TRADD: variants seen among roughly 807,000 people sequenced by gnomAD.
TRADD encodes TNFRSF1A associated via death domain.
A neutral mutation model predicts 31.5 loss-of-function variants in TRADD; 14 were observed. The observed-to-expected ratio is 0.44, with a 90% CI of 0.29 to 0.69. The LOEUF (loss-of-function observed/expected upper bound fraction) is 0.69. Ranked by LOEUF, TRADD falls within the 30% of genes least tolerant of loss-of-function variation. The probability of loss-of-function intolerance (pLI) is 0.11; values close to 1 mark genes in which losing one functional copy is unlikely to be tolerated. For missense variants in TRADD, 388 were observed against 435.7 expected, an observed-to-expected ratio of 0.89 and a Z score of 0.97; for synonymous variants, 220 against 215.8, an observed-to-expected ratio of 1.02 and a Z score of -0.17.
chr16:67,155,530 C>T lies in TRADD; in HGVS notation c.276G>A (p.Glu92=). Residue 92 remains glutamate, a synonymous_variant, in exon 3 of 5, where the codon GAG becomes GAA. Transcript: ENST00000345057. Reference sequence around the variant, plus strand: ...TCTGCAGCGCGGCGCGCAGCGCCCCCTCGCGGTAGGCGCGGAGGAAGCGGC... The same window carrying T: ...TCTGCAGCGCGGCGCGCAGCGCCCCTTCGCGGTAGGCGCGGAGGAAGCGGC... ...PCGRFLRAYR[E]GALRAALQRS... The T allele has an allele frequency of 6.6e-7, 1 of 1,521,984 alleles. No homozygotes were observed. The highest frequency in any genetic ancestry group is 8.7e-7 in the Non-Finnish European group (1 of 1,142,978). The allele number at this position is 1,521,984 out of a possible 1,614,324, so 94.3% of individuals were successfully genotyped here.
At position 67,156,768 on chromosome 16, in the gene TRADD, G is replaced by A. The variant is rs1160524857; in HGVS notation, c.-8-100C>T. Reference sequence around the variant, plus strand: ...TGGTTCAGCTGTCCCCACCACAGTAGCCTCAAGTCCCACATGGTTCAGTTG... The same window carrying A: ...TGGTTCAGCTGTCCCCACCACAGTAACCTCAAGTCCCACATGGTTCAGTTG... On this transcript the variant is annotated intron_variant, in intron 1 of 4. Coordinates refer to ENST00000345057, the MANE Select transcript of TRADD (RefSeq NM_003789.4). The surrounding 1 kb of genome is among the most constrained non-coding windows in gnomAD (Gnocchi z 4.6). 6.7e-7 allele frequency: 1 copy of A among 1,487,460 alleles called. No individual in the cohort carries two copies. The highest frequency in any genetic ancestry group is 2.3e-5 in the East Asian group (1 of 44,346). 92.1% of individuals were successfully genotyped at this position (1,487,460 alleles called of 1,614,324 possible).
intron 1 of TRADD, among the ~76,000 whole-genome samples, chr16:67,157,992 C>G (rs2030760584): frequency 1.4e-5 from 2 of 143,296 alleles, no homozygotes; most frequent in Admixed American, 1.3e-4. Flanking sequence ...GTACTCTCAT[C>G]AGGGTTTATA....
intron 2 of TRADD, chr16:67,155,862 C>A: frequency 4.0e-6 from 6 of 1,515,136 alleles, no homozygotes; most frequent in Non-Finnish European, 5.3e-6. Context: ...ACAGGGAGCA[C>A]CCTAAGACAG....
In TRADD at chr16:67,154,760, C is replaced by T. The variant is rs765520389; in HGVS notation, c.828G>A (p.Glu276=). 6.2e-7 allele frequency: 1 copy of T among 1,607,052 alleles called. No homozygotes were observed. The highest frequency in any genetic ancestry group is 8.5e-7 in the Non-Finnish European group (1 of 1,177,440). ...GGCGCTGCAGCGTGGCGCGGCGGCCCTCGGCCTGCACGAAGCGCCGCAGCA... is the reference window on the plus strand; with the variant it reads ...GGCGCTGCAGCGTGGCGCGGCGGCCTTCGGCCTGCACGAAGCGCCGCAGCA... ...FQLLRRFVQA[E]GRRATLQRLV... is the part of the protein sequence containing the mutation. Residue 276 remains glutamate (E), a synonymous_variant, in exon 5 of 5, where the codon GAG becomes GAA. Transcript: ENST00000345057. This position sits in a 1 kb window ranked among gnomAD's most constrained non-coding sequence, Gnocchi z 5.2.
In TRADD at chr16:67,155,144, G is replaced by A. The variant is rs540750770; in HGVS notation, c.580C>T (p.Pro194Ser). ...AAAGTCTGGGCAGGTGGCGGCGGCGGCGGCGGCTTCACCTCCGACAGAGAG... is the reference window on the plus strand; with the variant it reads ...AAAGTCTGGGCAGGTGGCGGCGGCGACGGCGGCTTCACCTCCGACAGAGAG... ...VPSLSEVKPPPPPPPAQTFLF... is the reference protein window; with the variant it reads ...VPSLSEVKPPSPPPPAQTFLF... The change falls in exon 4 of 5, where the codon CCG becomes TCG. Residue 194 changes from proline to serine, a missense_variant. By Grantham distance (74) the Pro-to-Ser change is moderately conservative. Coordinates refer to ENST00000345057, the MANE Select transcript of TRADD (RefSeq NM_003789.4). The A allele has an allele frequency of 3.2e-6, 5 of 1,547,842 alleles. No individual in the cohort carries two copies. Among genetic ancestry groups the A allele is most frequent in the Admixed American group, 1.9e-5 (1 of 51,878 alleles).
intron 1 of TRADD, among the ~76,000 whole-genome samples, chr16:67,158,314 C>A (rs1012842745): frequency 6.6e-6 from 1 of 152,210 alleles, no homozygotes; most frequent in Admixed American, 6.5e-5. Flanking sequence ...TTTAGGCACA[C>A]GCCGCCATGC....
chr16:67,155,064 C>T (rs1391869520), intron 4 of TRADD, 32 bp downstream of exon 4: 1 of 1,544,984 alleles, frequency 6.5e-7, no homozygotes, highest in African/African-American at 1.4e-5. Flanking sequence ...CTCCAACCTC[C>T]TGGTGACCCC....
rs750832036 is a variant in TRADD, at chr16:67,155,491, G to C, written c.315C>G (p.Ala105=). ...GCGGCACCGAGTGCTGGGCGAGCGC[G>C]GCCGCCAGGCTCCTCTGCAGCGCGG... The part of the protein sequence containing the change: ...LRAALQRSLA[A]ALAQHSVPLQ... The change falls in exon 3 of 5, where the codon GCC becomes GCG. Residue 105 remains alanine (A), a synonymous_variant. Transcript: ENST00000345057. The C allele has an allele frequency of 2.4e-5, 38 of 1,558,582 alleles. No individual in the cohort carries two copies. Among genetic ancestry groups the C allele is most frequent in the African/African-American group, 1.4e-5 (1 of 74,068 alleles).
rs1003438615 is a variant in TRADD, at chr16:67,155,471, A to G, written c.335T>C (p.Val112Ala). 6.3e-7 allele frequency: 1 copy of G among 1,587,594 alleles called. No homozygotes were observed. Among genetic ancestry groups the G allele is most frequent in the Non-Finnish European group, 8.5e-7 (1 of 1,175,116 alleles). ...SLAAALAQHS[V>A]PLQLELRAGA... ...GGCGCGCAGCTCCAGTTGCAGCGGC[A>G]CCGAGTGCTGGGCGAGCGCGGCCGC... The change falls in exon 3 of 5, where the codon GTG (valine) becomes GCG (alanine). Residue 112 changes from valine to alanine, a missense_variant. Transcript: ENST00000345057.
Position 67,156,758 on chromosome 16 carries a change from C to T in TRADD, c.-8-90G>A. 6.5e-7 allele frequency: 1 copy of T among 1,548,022 alleles called. No individual in the cohort carries two copies. The highest frequency in any genetic ancestry group is 1.1e-5 in the South Asian group (1 of 89,848). ...CAGCCCCACGTGGTTCAGCTGTCCC[C>T]ACCACAGTAGCCTCAAGTCCCACAT... is the stretch of plus-strand genomic sequence containing the variant. On this transcript the variant is annotated intron_variant, in intron 1 of 4. Transcript: ENST00000345057. This position sits in a 1 kb window ranked among gnomAD's most constrained non-coding sequence, Gnocchi z 4.6.
chr16:67,156,273 G>A lies in TRADD; in HGVS notation c.151+237C>T, dbSNP rs1487041937. 2.3e-5 allele frequency: 28 copies of A among 1,235,564 alleles called. No individual in the cohort carries two copies. The highest frequency in any genetic ancestry group is 3.0e-5 in the Non-Finnish European group (27 of 894,854). The allele number at this position is 1,235,564 out of a possible 1,614,324, so 76.5% of individuals were successfully genotyped here. On this transcript the variant is annotated intron_variant, in intron 2 of 4. Coordinates refer to ENST00000345057, the MANE Select transcript of TRADD (RefSeq NM_003789.4). This position sits in a 1 kb window ranked among gnomAD's most constrained non-coding sequence, Gnocchi z 4.6. Reference sequence around the variant, plus strand: ...AGGAGTGAGCCGGCTGGTGGAGGGGGGCGGGGATGGAGCAAAGGACGTTAG... The same window carrying A: ...AGGAGTGAGCCGGCTGGTGGAGGGGAGCGGGGATGGAGCAAAGGACGTTAG...
Position 67,156,315 on chromosome 16 carries a change from T to C in TRADD, c.151+195A>G. On this transcript the variant is annotated intron_variant, in intron 2 of 4. Transcript: ENST00000345057. This position sits in a 1 kb window ranked among gnomAD's most constrained non-coding sequence, Gnocchi z 4.6. ...GGACGTTAGTGCACAAATTGGTAAA[T>C]CATACACAGACTCGAGAACACACGC... The C allele has an allele frequency of 8.7e-7, 1 of 1,149,748 alleles. No individual in the cohort carries two copies. The highest frequency in any genetic ancestry group is 1.2e-6 in the Non-Finnish European group (1 of 814,814). The allele number at this position is 1,149,748 out of a possible 1,614,324, so 71.2% of individuals were successfully genotyped here.
At position 67,154,813 on chromosome 16, in the gene TRADD, C is replaced by T; in HGVS notation, c.775G>A (p.Glu259Lys). 6.3e-7 allele frequency: 1 copy of T among 1,593,052 alleles called. No homozygotes were observed. Among genetic ancestry groups the T allele is most frequent in the Non-Finnish European group, 8.5e-7 (1 of 1,170,940 alleles). Residue 259 changes from glutamate to lysine, a missense_variant, in exon 5 of 5, where the codon GAG (glutamate) becomes AAG (lysine). Physicochemically the swap from Glu to Lys is moderately conservative, Grantham distance 56. Transcript: ENST00000345057. The surrounding 1 kb of genome is among the most constrained non-coding windows in gnomAD (Gnocchi z 5.2). ...TGGAAGGCCTGCTCGTACAGTCCCT[C>T]GCGCTCGTACTCGTAGGCCAGCGAG... ...LDSLAYEYER[E>K]GLYEQAFQLL... is the part of the protein sequence containing the mutation.
At position 67,155,409 on chromosome 16, in the gene TRADD, C is replaced by T. The variant is rs764954397; in HGVS notation, c.397G>A (p.Glu133Lys). The T allele has an allele frequency of 6.3e-7, 1 of 1,598,288 alleles. No homozygotes were observed. The highest frequency in any genetic ancestry group is 8.5e-7 in the Non-Finnish European group (1 of 1,179,580). ...ERLDALLADE[E>K]RCLSCILAQQ... Reference sequence around the variant, plus strand: ...GCTAGGATGCAACTCAAACAGCGCTCCTCGTCCGCCAGCAAAGCGTCCAGC... The same window carrying T: ...GCTAGGATGCAACTCAAACAGCGCTTCTCGTCCGCCAGCAAAGCGTCCAGC... The change falls in exon 3 of 5, where the codon GAG becomes AAG. Residue 133 changes from glutamate (E) to lysine (K), a missense_variant. Physicochemically the swap from Glu to Lys is moderately conservative, Grantham distance 56 (BLOSUM62 1). Coordinates refer to ENST00000345057, the MANE Select transcript of TRADD (RefSeq NM_003789.4).
At chr16:67,158,153 C>G (rs577233335) in intron 1 of TRADD, among the ~76,000 whole-genome samples, 2 of 151,972 alleles carry the variant, frequency 1.3e-5, no homozygotes, top group African/African-American at 2.4e-5. Context: ...GCACTACTCT[C>G]GACCTTTGTT....
At position 67,154,745 on chromosome 16, in the gene TRADD, C is replaced by T. The variant is rs760200469; in HGVS notation, c.843G>A (p.Thr281=). 66 of 1,609,478 alleles carry T rather than the reference C, an allele frequency of 4.1e-5. No individual in the cohort carries two copies. The highest frequency in any genetic ancestry group is 4.5e-5 in the Non-Finnish European group (53 of 1,178,502). The part of the protein sequence containing the change: ...RFVQAEGRRA[T]LQRLVEALEE... ...CGAGTGCCTCCACCAGGCGCTGCAG[C>T]GTGGCGCGGCGGCCCTCGGCCTGCA... Residue 281 remains threonine, a synonymous_variant, in exon 5 of 5, where the codon ACG becomes ACA. Transcript: ENST00000345057. This position sits in a 1 kb window ranked among gnomAD's most constrained non-coding sequence, Gnocchi z 5.2.
Position 67,156,070 on chromosome 16 carries a change from G to C in TRADD, c.152-416C>G. On this transcript the variant is annotated intron_variant, in intron 2 of 4. Coordinates refer to ENST00000345057, the MANE Select transcript of TRADD (RefSeq NM_003789.4). The surrounding 1 kb of genome is among the most constrained non-coding windows in gnomAD (Gnocchi z 4.6). Reference sequence around the variant, plus strand: ...CGACTCCCACTGCTCGGGAAGAAGAGGGGCTCTCGCCGCTCTGAGGCCACG... The same window carrying C: ...CGACTCCCACTGCTCGGGAAGAAGACGGGCTCTCGCCGCTCTGAGGCCACG... The C allele has an allele frequency of 7.4e-7, 1 of 1,352,402 alleles. No individual in the cohort carries two copies. The highest frequency in any genetic ancestry group is 1.5e-5 in the African/African-American group (1 of 68,464). 83.8% of individuals were successfully genotyped at this position (1,352,402 alleles called of 1,614,324 possible).
At position 67,155,436 on chromosome 16, in the gene TRADD, G is replaced by T. The variant is rs370632095; in HGVS notation, c.370C>A (p.Arg124=). Reference sequence around the variant, plus strand: ...TCGTCCGCCAGCAAAGCGTCCAGCCGCTCGGCGCCGGCGCGCAGCTCCAGT... The same window carrying T: ...TCGTCCGCCAGCAAAGCGTCCAGCCTCTCGGCGCCGGCGCGCAGCTCCAGT... ...LQLELRAGAE[R]LDALLADEER... Residue 124 remains arginine, a synonymous_variant, in exon 3 of 5, where the codon CGG becomes AGG. Coordinates refer to ENST00000345057, the MANE Select transcript of TRADD (RefSeq NM_003789.4). 5.2e-5 allele frequency: 83 copies of T among 1,596,528 alleles called. No homozygotes were observed. The African/African-American group carries it at 1.0e-3, about 20-fold the overall frequency.
Position 67,156,386 on chromosome 16 carries a change from C to T in TRADD, c.151+124G>A. 6.9e-7 allele frequency: 1 copy of T among 1,444,034 alleles called. No homozygotes were observed. Among genetic ancestry groups the T allele is most frequent in the Non-Finnish European group, 9.5e-7 (1 of 1,053,928 alleles). 89.5% of individuals were successfully genotyped at this position (1,444,034 alleles called of 1,614,324 possible). On this transcript the variant is annotated intron_variant, in intron 2 of 4. Transcript: ENST00000345057. The surrounding 1 kb of genome is among the most constrained non-coding windows in gnomAD (Gnocchi z 4.6). Reference sequence around the variant, plus strand: ...CAAGCAAAGAAGAGAGTCTGCACAGCCAGGGGTCCTCCGTCTTGCTCCTCC... The same window carrying T: ...CAAGCAAAGAAGAGAGTCTGCACAGTCAGGGGTCCTCCGTCTTGCTCCTCC...
Sources: gnomAD v4.1 joint callset for allele counts (sites outside exome capture counted in the v4.1 genomes callset) on GRCh38, gnomAD v4.1.1 for gene constraint, Gnocchi (gnomAD v3.1) non-coding constraint, MANE v1.5 for transcripts, NCBI Gene and HGNC (gene_info 2026-07-23, HGNC 2026-07-21) for gene names.